The following ABLIM2 variants were observed in gnomAD, a reference collection of about 807,000 sequenced individuals.
The protein encoded by ABLIM2 is actin binding LIM protein family member 2.
A neutral mutation model predicts 97.7 loss-of-function variants in ABLIM2; 53 were observed. That is an observed-to-expected ratio of 0.54 (90% CI 0.44 to 0.68). The LOEUF (loss-of-function observed/expected upper bound fraction) is 0.68. Ranked by LOEUF, ABLIM2 falls within the 30% of genes least tolerant of loss-of-function variation. ABLIM2 has a pLI of 0.00. For missense variants in ABLIM2, 835 were observed against 867.2 expected (o/e 0.96, Z 0.47); for synonymous variants, 361 against 345.8 (o/e 1.04, Z -0.49).
At position 8,148,417 on chromosome 4, in the gene ABLIM2, C is replaced by G. The variant is rs534452855; in HGVS notation, c.10+10263G>C. Among the ~76,000 whole-genome samples the G allele has an allele frequency of 3.3e-5, 5 of 152,052 alleles. No individual in the cohort carries two copies. Among genetic ancestry groups the G allele is most frequent in the Admixed American group, 3.3e-4 (5 of 15,272 alleles). On this transcript the variant is annotated intron_variant, in intron 1 of 20. Coordinates refer to ENST00000447017, the MANE Select transcript of ABLIM2 (RefSeq NM_001130083.2). This position sits in a 1 kb window ranked among gnomAD's most constrained non-coding sequence, Gnocchi z 6.7. Reference sequence around the variant, plus strand: ...GGAGGTGAGGGAGCCGCTCAGGACGCGGGGGGGCCATGGCGCACCACAGTT... The same window carrying G: ...GGAGGTGAGGGAGCCGCTCAGGACGGGGGGGGGCCATGGCGCACCACAGTT...
chr4:8,083,947 C>T lies in ABLIM2; in HGVS notation c.455-3145G>A, dbSNP rs1355210456. Among the ~76,000 whole-genome samples, 2 of 152,108 alleles carry T rather than the reference C, an allele frequency of 1.3e-5. No individual in the cohort carries two copies. Among genetic ancestry groups the T allele is most frequent in the South Asian group, 2.1e-4 (1 of 4,828 alleles). ...TGGGGGGTGGCTAGGATGTGCCAGG[C>T]AGCCTCCTGGAGCCTCAGCTGGAGC... is the stretch of plus-strand genomic sequence containing the variant. On this transcript the variant is annotated intron_variant, in intron 4 of 20. Transcript: ENST00000447017. This position sits in a 1 kb window ranked among gnomAD's most constrained non-coding sequence, Gnocchi z 4.6.
intron 20 of ABLIM2, among the ~76,000 whole-genome samples, chr4:7,976,520 G>A (rs923356402): frequency 6.6e-6 from 1 of 152,162 alleles, no homozygotes; most frequent in South Asian, 2.1e-4. Flanking sequence ...GCCCTGCAGG[G>A]CCTATCCGGG....
chr4:7,978,923 G>C (rs1048507780), intron 20 of ABLIM2, among the ~76,000 whole-genome samples: 4 of 152,204 alleles, frequency 2.6e-5, no homozygotes, highest in Non-Finnish European at 5.9e-5. Flanking sequence ...TTGAGGATGA[G>C]ACGGCAGGGG....
chr4:8,036,079 G>C, intron 10 of ABLIM2, 70 bp downstream of exon 10: 1 of 1,563,048 alleles, frequency 6.4e-7, no homozygotes, highest in Non-Finnish European at 8.7e-7. Context: ...ACATGCTAGG[G>C]ATGACGCCTG....
chr4:8,023,342 C>T lies in ABLIM2; in HGVS notation c.1268-3039G>A, dbSNP rs939550247. 3.9e-5 allele frequency among the ~76,000 whole-genome samples: 6 copies of T among 152,236 alleles called. No individual in the cohort carries two copies. Among genetic ancestry groups the T allele is most frequent in the African/African-American group, 1.2e-4 (5 of 41,462 alleles). ...CGTCTCCCAAGGCTCCTCTCGGCTG[C>T]GACCTTTTGCAGACGTTCCTTGTGT... On this transcript the variant is annotated intron_variant, in intron 12 of 20. Transcript: ENST00000447017. This position sits in a 1 kb window ranked among gnomAD's most constrained non-coding sequence, Gnocchi z 5.7.
At chr4:8,100,749 GAAAAA>G (rs57318831) in intron 2 of ABLIM2, among the ~76,000 whole-genome samples, 2 of 100,222 alleles carry the variant, frequency 2.0e-5, no homozygotes, top group African/African-American at 4.0e-5. Flanking sequence ...TCCATCTCAG[GAAAAA>G]AAAAAAAAAA....
intron 16 of ABLIM2, among the ~76,000 whole-genome samples, chr4:8,000,751 G>A (rs145850437): frequency 3.9e-5 from 6 of 152,146 alleles, no homozygotes; most frequent in Admixed American, 1.3e-4. Flanking sequence ...CACGGATGGC[G>A]AGGCTGCTGC....
intron 9 of ABLIM2, among the ~76,000 whole-genome samples, chr4:8,038,186 C>T (rs755794408): frequency 2.0e-5 from 3 of 152,182 alleles, no homozygotes; most frequent in Non-Finnish European, 4.4e-5. Context: ...CAAAGGGGTG[C>T]TCACAGAAGC....
chr4:7,967,167 A>G, intron 20 of ABLIM2, 64 bp from the exon 21 acceptor site: 1 of 1,381,790 alleles, frequency 7.2e-7, no homozygotes, highest in Non-Finnish European at 1.0e-6. Flanking sequence ...ACCATTGGGC[A>G]GTTTGCTGCC....
At chr4:8,027,689 A>G in intron 12 of ABLIM2, 70 bp downstream of exon 12, 1 of 1,265,442 alleles carries the variant, frequency 7.9e-7, no homozygotes, top group Non-Finnish European at 1.1e-6. Flanking sequence ...GCAGACATGG[A>G]CAGCGAGCAC....
At chr4:8,076,184 T>A (rs926575265) in intron 6 of ABLIM2, among the ~76,000 whole-genome samples, 1 of 152,208 alleles carries the variant, frequency 6.6e-6, no homozygotes, top group Non-Finnish European at 1.5e-5. Context: ...GGGATGGGTG[T>A]GGCCACCCGT....
In ABLIM2 at chr4:8,019,825, G is replaced by A; in HGVS notation, c.1370-154C>T. The A allele has an allele frequency of 2.6e-6, 2 of 758,938 alleles. No individual in the cohort carries two copies. The highest frequency in any genetic ancestry group is 4.3e-6 in the Non-Finnish European group (2 of 459,796). The allele number at this position is 758,938 out of a possible 1,614,324, so 47.0% of individuals were successfully genotyped here. A position where few individuals can be genotyped will look rare whatever the true frequency, so the allele number is the denominator to read the frequency against. ...GCACCCAGCGAGCGACAGACACCCA[G>A]GCCCCAGATCAAGCCTCCCTGACTC... On this transcript the variant is annotated intron_variant, in intron 13 of 20. Coordinates refer to ENST00000447017, the MANE Select transcript of ABLIM2 (RefSeq NM_001130083.2). The surrounding 1 kb of genome is among the most constrained non-coding windows in gnomAD (Gnocchi z 4.3).
rs1429219043 is a variant in ABLIM2, at chr4:7,986,227, A to G, written c.1681-1334T>C. Among the ~76,000 whole-genome samples the G allele has an allele frequency of 6.6e-6, 1 of 152,242 alleles. No individual in the cohort carries two copies. The highest frequency in any genetic ancestry group is 1.5e-5 in the Non-Finnish European group (1 of 68,042). ...CAGCCCAGCGGGTCTGTCACAGGGC[A>G]AAGTGTTTTCAACGCGAGCTTTGCA... On this transcript the variant is annotated intron_variant, in intron 17 of 20. Transcript: ENST00000447017. The surrounding 1 kb of genome is among the most constrained non-coding windows in gnomAD (Gnocchi z 4.3).
At chr4:8,126,881 C>T (rs771162015) in intron 1 of ABLIM2, among the ~76,000 whole-genome samples, 1 of 152,018 alleles carries the variant, frequency 6.6e-6, no homozygotes, top group South Asian at 2.1e-4. Flanking sequence ...ACCTGGGCAA[C>T]AAAGTGAGAC....
rs1396996192 is a variant in ABLIM2 at position 8,095,534 on chromosome 4, T to G, written c.338+1565A>C. ...CAGACAGTTTATTTGCAGATCAACA[T>G]GATCTTTTTTAAAAAATAATTAATT... On this transcript the variant is annotated intron_variant, in intron 3 of 20. Transcript: ENST00000447017. The surrounding 1 kb of genome is among the most constrained non-coding windows in gnomAD (Gnocchi z 4.7). Among the ~76,000 whole-genome samples, 1 of 152,210 alleles carries G rather than the reference T, an allele frequency of 6.6e-6. No homozygotes were observed. The highest frequency in any genetic ancestry group is 6.5e-5 in the Admixed American group (1 of 15,282).
chr4:8,152,343 G>A (rs769072827), intron 1 of ABLIM2, among the ~76,000 whole-genome samples: 4 of 151,660 alleles, frequency 2.6e-5, no homozygotes, highest in Non-Finnish European at 5.9e-5. Context: ...GTGACACCAG[G>A]CACCAGACGG....
Position 8,009,051 on chromosome 4 carries a change from T to C in ABLIM2, c.1475A>G (p.Lys492Arg). The C allele has an allele frequency of 6.2e-7, 1 of 1,614,026 alleles. No homozygotes were observed. The highest frequency in any genetic ancestry group is 1.1e-5 in the South Asian group (1 of 91,082). The change falls in exon 15 of 21, where the codon AAG (lysine) becomes AGG (arginine). Residue 492 changes from lysine (K) to arginine (R), a missense_variant and splice_region_variant. Coordinates refer to ENST00000447017, the MANE Select transcript of ABLIM2 (RefSeq NM_001130083.2). ...EDGSLDQDNR[K>R]QKSSWLMLKG... ...GCCAGATCTGCTCCCTGGCATTACC[T>C]TCCTGTTATCCTGGTCCAAGCTTCC... is the stretch of plus-strand genomic sequence containing the variant.
chr4:8,095,173 A>T lies in ABLIM2; in HGVS notation c.338+1926T>A, dbSNP rs1293647777. On this transcript the variant is annotated intron_variant, in intron 3 of 20. Coordinates refer to ENST00000447017, the MANE Select transcript of ABLIM2 (RefSeq NM_001130083.2). The surrounding 1 kb of genome is among the most constrained non-coding windows in gnomAD (Gnocchi z 4.7). ...GGCTGGAGAGCAGTGGTGCAATCAT[A>T]GCTCACTGCAGCCTCAAAATCCTGG... 6.6e-6 allele frequency among the ~76,000 whole-genome samples: 1 copy of T among 151,430 alleles called. No homozygotes were observed. The highest frequency in any genetic ancestry group is 2.4e-5 in the African/African-American group (1 of 41,078).
At chr4:8,038,862 T>A (rs1442702656) in intron 9 of ABLIM2, among the ~76,000 whole-genome samples, 2 of 152,156 alleles carry the variant, frequency 1.3e-5, no homozygotes, top group Non-Finnish European at 2.9e-5. Flanking sequence ...GTTTACCCAC[T>A]TATCCATGCC....
Sources: allele counts gnomAD v4.1 joint callset (sites outside exome capture counted in the v4.1 genomes callset), GRCh38; gene constraint gnomAD v4.1.1; non-coding constraint Gnocchi (gnomAD v3.1); transcripts MANE v1.5; gene names NCBI Gene and HGNC (gene_info 2026-07-23, HGNC 2026-07-21).